Variants in ACACA observed in about 807,000 individuals in gnomAD.
The protein encoded by ACACA is acetyl-CoA carboxylase alpha.
A neutral mutation model predicts 296.1 loss-of-function variants in ACACA; 103 were observed. That is an observed-to-expected ratio of 0.35 (90% CI 0.30 to 0.41). The LOEUF is 0.41. Among genes scored for constraint, ACACA ranks in the 10% least tolerant of loss-of-function variants. ACACA has a pLI of 1.00. For missense variants in ACACA, 1,554 were observed against 2,989.7 expected, an observed-to-expected ratio of 0.52 and a Z score of 11.20; for synonymous variants, 953 against 1,038.6, an observed-to-expected ratio of 0.92 and a Z score of 1.58.
intron 3 of ACACA, among the ~76,000 whole-genome samples, chr17:37,327,838 G>A (rs2047691105): frequency 6.6e-6 from 1 of 152,158 alleles, no homozygotes; most frequent in South Asian, 2.1e-4. Context: ...CTATACCACA[G>A]AAGGTTTAGT....
chr17:37,375,050 C>G (rs1423603674), intron 1 of ACACA, among the ~76,000 whole-genome samples: 1 of 151,816 alleles, frequency 6.6e-6, no homozygotes, highest in African/African-American at 2.4e-5. Context: ...TAAAAATTAG[C>G]CGGCAGGGTG....
chr17:37,295,259 C>T (rs906825410), intron 3 of ACACA, among the ~76,000 whole-genome samples: 6 of 152,256 alleles, frequency 3.9e-5, no homozygotes, highest in Middle Eastern at 6.8e-3. Flanking sequence ...TGCCCACCAA[C>T]CGTCCCAAGT....
At chr17:37,174,813 A>G (rs4795177) in intron 41 of ACACA, among the ~76,000 whole-genome samples, 50,341 of 151,446 alleles carry the variant, frequency 0.33, 10,361 homozygotes, top group African/African-American at 0.57. Flanking sequence ...TTACAGGTAT[A>G]AGCCACCACG....
rs778395827 is a variant in ACACA, at chr17:37,248,086, C to T, written c.2234G>A (p.Arg745Gln). ...NGSCVEVDVH[R>Q]LSDGGLLLSY... ...CAAGAGCAGTCCACCGTCACTCAGCCGATGTACATCTACTTCTACACATGA... is the reference window on the plus strand; with the variant it reads ...CAAGAGCAGTCCACCGTCACTCAGCTGATGTACATCTACTTCTACACATGA... Residue 745 changes from arginine (R) to glutamine (Q), a missense_variant, in exon 18 of 56, where the codon CGG becomes CAG. By Grantham distance (43) the Arg-to-Gln change is conservative (BLOSUM62 1). Transcript: ENST00000616317. 8 of 1,613,984 alleles carry T rather than the reference C, an allele frequency of 5.0e-6. No individual in the cohort carries two copies. Among genetic ancestry groups the T allele is most frequent in the South Asian group, 4.4e-5 (4 of 91,080 alleles).
intron 26 of ACACA, chr17:37,225,411 T>G: frequency 2.9e-6 from 1 of 342,458 alleles, no homozygotes; most frequent in South Asian, 2.7e-5. Flanking sequence ...ATTGCAAAGC[T>G]GCTGGTCCTA....
intron 1 of ACACA, among the ~76,000 whole-genome samples, chr17:37,346,295 C>G (rs1387817665): frequency 2.9e-5 from 4 of 138,732 alleles, no homozygotes; most frequent in African/African-American, 1.1e-4. Context: ...CCAGCCTGAC[C>G]AACAGAGCAA....
At chr17:37,344,795 G>A (rs888624027) in intron 1 of ACACA, among the ~76,000 whole-genome samples, 4 of 152,096 alleles carry the variant, frequency 2.6e-5, no homozygotes, top group African/African-American at 9.7e-5. Context: ...AAGTGGAGGT[G>A]AAAGAGAGCT....
chr17:37,325,521 T>G (rs1007082800), intron 3 of ACACA, among the ~76,000 whole-genome samples: 1 of 151,752 alleles, frequency 6.6e-6, no homozygotes, highest in African/African-American at 2.4e-5. Context: ...CAATGAGGTC[T>G]GTATATTCCC....
intron 55 of ACACA, 111 bp from the exon 56 acceptor site, chr17:37,087,550 T>C: frequency 7.8e-7 from 1 of 1,287,436 alleles, no homozygotes; most frequent in Non-Finnish European, 1.1e-6. Flanking sequence ...GCAGACATTT[T>C]AGTCACGCCT....
chr17:37,272,664 T>C (rs1245015375), intron 9 of ACACA, among the ~76,000 whole-genome samples: 2 of 152,088 alleles, frequency 1.3e-5, no homozygotes, highest in Admixed American at 1.3e-4. Context: ...ATTAAAAATA[T>C]TTTGGAAGAA....
chr17:37,224,608 T>C (rs1243689043), intron 27 of ACACA, among the ~76,000 whole-genome samples: 1 of 152,140 alleles, frequency 6.6e-6, no homozygotes, highest in Non-Finnish European at 1.5e-5. Flanking sequence ...TACCTATGTA[T>C]ACATCTGATT....
chr17:37,244,577 G>A lies in ACACA; in HGVS notation c.2742+11C>T, dbSNP rs1277650331. On this transcript the variant is annotated intron_variant, in intron 21 of 55. Coordinates refer to ENST00000616317, the MANE Select transcript of ACACA (RefSeq NM_198834.3). ...TTTGTACATCCCTTCCCCAGGAGAC[G>A]TGATACATACCTTGCTGCTAAAGAA... is the stretch of plus-strand genomic sequence containing the variant. 1.6e-5 allele frequency: 26 copies of A among 1,613,776 alleles called. No homozygotes were observed. Among genetic ancestry groups the A allele is most frequent in the East Asian group, 6.7e-5 (3 of 44,884 alleles).
intron 33 of ACACA, among the ~76,000 whole-genome samples, chr17:37,201,299 A>G (rs1261455167): frequency 2.0e-5 from 3 of 152,098 alleles, no homozygotes; most frequent in African/African-American, 7.2e-5. Context: ...AAATGAGCCA[A>G]GTGTGGTGGC....
At chr17:37,154,711 G>A (rs2076171146) in intron 43 of ACACA, among the ~76,000 whole-genome samples, 1 of 151,980 alleles carries the variant, frequency 6.6e-6, no homozygotes. Flanking sequence ...TGGCCAGGCT[G>A]GTCTTGCACT....
chr17:37,296,940 C>A (rs2083367125), intron 3 of ACACA, among the ~76,000 whole-genome samples: 1 of 150,188 alleles, frequency 6.7e-6, no homozygotes, highest in African/African-American at 2.4e-5. Context: ...TGGTCTCGAA[C>A]TCCTGGCCTC....
intron 9 of ACACA, 140 bp from the exon 10 acceptor site, chr17:37,271,001 T>G: frequency 1.5e-6 from 1 of 683,168 alleles, no homozygotes; most frequent in Admixed American, 2.6e-5. Flanking sequence ...CAAGATACAC[T>G]ATGAAAAAAT....
At chr17:37,166,785 A>G (rs1340725760) in intron 41 of ACACA, among the ~76,000 whole-genome samples, 1 of 152,194 alleles carries the variant, frequency 6.6e-6, no homozygotes, top group African/African-American at 2.4e-5. Context: ...TTCTGGAGGT[A>G]TTGTTGTGAG....
At chr17:37,236,482 T>C (rs77529469) in intron 24 of ACACA, among the ~76,000 whole-genome samples, 1 of 151,938 alleles carries the variant, frequency 6.6e-6, no homozygotes, top group African/African-American at 2.4e-5. Context: ...TTTCTTGTTT[T>C]TTTTTTTTTT....
chr17:37,393,159 A>G (rs2050953844), intron 1 of ACACA, among the ~76,000 whole-genome samples: 3 of 147,482 alleles, frequency 2.0e-5, no homozygotes, highest in Non-Finnish European at 1.5e-5. Flanking sequence ...AAAAAAAAAG[A>G]AAAAAAAAAG....
Sources: gnomAD v4.1 joint callset for allele counts (sites outside exome capture counted in the v4.1 genomes callset) on GRCh38, gnomAD v4.1.1 for gene constraint, MANE v1.5 for transcripts, NCBI Gene and HGNC (gene_info 2026-07-23, HGNC 2026-07-21) for gene names.